The following TMEM116 variants were observed in gnomAD, a reference collection of about 807,000 sequenced individuals.
TMEM116 encodes transmembrane protein 116.
In TMEM116, 38 loss-of-function variants were observed where a neutral mutation model predicts 44.3. The ratio of observed to expected loss-of-function variants is 0.86; its 90% CI spans 0.66 to 1.12. TMEM116 has a LOEUF of 1.12. Among genes scored for constraint, TMEM116 ranks in the 50% most tolerant of loss-of-function variants. The pLI, the probability that TMEM116 is intolerant of heterozygous loss-of-function variation, is 0.00. For synonymous variants in TMEM116, 132 were observed against 144.8 expected (o/e 0.91, Z 0.64); for missense variants, 354 against 401.7 (o/e 0.88, Z 1.01).
intron 4 of TMEM116, among the ~76,000 whole-genome samples, chr12:111,969,183 G>A (rs1286385262): frequency 2.6e-5 from 4 of 151,110 alleles, no homozygotes; most frequent in Admixed American, 6.6e-5. Flanking sequence ...AGCCGGGCAC[G>A]GTGGTGCATG....
chr12:111,998,399 A>G (rs957374593), intron 3 of TMEM116, among the ~76,000 whole-genome samples: 4 of 152,242 alleles, frequency 2.6e-5, no homozygotes, highest in African/African-American at 7.2e-5. Context: ...CTCGACTCCA[A>G]TTTAGTTGGG....
At chr12:111,950,070 G>A (rs1379197053) in intron 4 of TMEM116, among the ~76,000 whole-genome samples, 5 of 152,030 alleles carry the variant, frequency 3.3e-5, no homozygotes, top group African/African-American at 1.2e-4. Context: ...AGCCAAGATC[G>A]CACCACTGCA....
chr12:112,005,867 A>G, intron 1 of TMEM116: 2 of 934,716 alleles, frequency 2.1e-6, no homozygotes, highest in Non-Finnish European at 2.6e-6. Flanking sequence ...GTAGTATGAA[A>G]AGAGATTGTG....
At chr12:111,994,325 T>C (rs1331257172) in intron 3 of TMEM116, among the ~76,000 whole-genome samples, 1 of 152,034 alleles carries the variant, frequency 6.6e-6, no homozygotes, top group African/African-American at 2.4e-5. Flanking sequence ...ATCTTAAGAC[T>C]TATCGTGGGA....
chr12:111,978,820 CA>C (rs1384355435), intron 4 of TMEM116: 1 of 427,434 alleles, frequency 2.3e-6, no homozygotes, highest in South Asian at 1.7e-5. Flanking sequence ...GTTTAAGTCA[CA>C]CATTGTATGG....
intron 3 of TMEM116, among the ~76,000 whole-genome samples, chr12:112,001,236 T>G (rs183343190): frequency 2.8e-3 from 434 of 152,368 alleles, no homozygotes; most frequent in Non-Finnish European, 4.8e-3. Flanking sequence ...CCCACTGTTA[T>G]GCCAGAAAGT....
chr12:112,006,975 T>G (rs188489966), intron 1 of TMEM116, among the ~76,000 whole-genome samples: 13 of 152,348 alleles, frequency 8.5e-5, no homozygotes, highest in African/African-American at 2.6e-4. Flanking sequence ...TGCAATGTCA[T>G]GCACCTGTGG....
intron 4 of TMEM116, chr12:111,965,760 C>A: frequency 2.6e-6 from 1 of 385,200 alleles, no homozygotes; most frequent in South Asian, 1.9e-5. Flanking sequence ...CCCGTCTCCC[C>A]TAAAAAAAAA....
At chr12:111,948,873 G>A (rs2073489780) in intron 4 of TMEM116, among the ~76,000 whole-genome samples, 1 of 152,028 alleles carries the variant, frequency 6.6e-6, no homozygotes, top group Non-Finnish European at 1.5e-5. Context: ...GAGGCTAGGA[G>A]TTTGAGACCA....
intron 3 of TMEM116, among the ~76,000 whole-genome samples, chr12:111,998,224 C>T (rs1323408326): frequency 6.6e-6 from 1 of 152,072 alleles, no homozygotes; most frequent in South Asian, 2.1e-4. Flanking sequence ...AGTGAGTGAC[C>T]GTGGTATGTA....
intron 4 of TMEM116, chr12:111,978,721 G>C (rs1364762874): frequency 2.4e-6 from 1 of 419,842 alleles, no homozygotes; most frequent in East Asian, 8.2e-5. Context: ...TGCAAACCAG[G>C]AAGTGGGCTC....
intron 6 of TMEM116, 36 bp downstream of exon 6, chr12:111,938,125 T>G: frequency 6.8e-7 from 1 of 1,478,076 alleles, no homozygotes; most frequent in Non-Finnish European, 9.3e-7. Context: ...ATAATGAGAG[T>G]CTACACCTCG....
chr12:111,996,348 C>T (rs11066118), intron 3 of TMEM116, among the ~76,000 whole-genome samples: 21,669 of 151,712 alleles, frequency 0.14, 1,940 homozygotes, highest in African/African-American at 0.25. Context: ...AAAAAAATTA[C>T]TAAGTAGTAA....
At chr12:111,938,110 C>T (rs368367040) in intron 6 of TMEM116, 51 bp downstream of exon 6, 2 of 1,305,142 alleles carry the variant, frequency 1.5e-6, no homozygotes, top group Non-Finnish European at 2.2e-6. Context: ...CACCTGAACA[C>T]CAGAATAATG....
Position 111,936,452 on chromosome 12 carries a change from G to T in TMEM116, c.588+240C>A. 4 of 439,732 alleles carry T rather than the reference G, an allele frequency of 9.1e-6. No individual in the cohort carries two copies. In the South Asian group the frequency reaches 1.6e-4, roughly 17 times the overall value. The allele number at this position is 439,732 out of a possible 1,614,324, so 27.2% of individuals were successfully genotyped here. ...GGGATTGATGAAGCCTATACTAGTT[G>T]TAGAGTGAGCATAATTTTCACCTAA... On this transcript the variant is annotated intron_variant, in intron 8 of 10. Coordinates refer to ENST00000552374, the MANE Select transcript of TMEM116 (RefSeq NM_001193531.2).
At chr12:111,954,527 A>T (rs1278658631) in intron 4 of TMEM116, among the ~76,000 whole-genome samples, 1 of 152,232 alleles carries the variant, frequency 6.6e-6, no homozygotes, top group African/African-American at 2.4e-5. Context: ...ACAACTCTTA[A>T]GAACCTTGTC....
intron 4 of TMEM116, among the ~76,000 whole-genome samples, chr12:111,947,463 G>A (rs2073378521): frequency 6.6e-6 from 1 of 152,114 alleles, no homozygotes; most frequent in East Asian, 1.9e-4. Flanking sequence ...TTGTCAAAAG[G>A]TAAGTGATGT....
chr12:111,969,173 A>T (rs1199952498), intron 4 of TMEM116, among the ~76,000 whole-genome samples: 3 of 151,312 alleles, frequency 2.0e-5, no homozygotes, highest in Admixed American at 2.0e-4. Flanking sequence ...ATATAAAATT[A>T]GCCGGGCACG....
intron 10 of TMEM116, among the ~76,000 whole-genome samples, chr12:111,932,159 A>G (rs1219322661): frequency 2.0e-5 from 3 of 152,062 alleles, no homozygotes; most frequent in African/African-American, 7.2e-5. Context: ...ATCTTCTTAA[A>G]TCCAATAAAG....
Sources: allele counts gnomAD v4.1 joint callset (sites outside exome capture counted in the v4.1 genomes callset), GRCh38; gene constraint gnomAD v4.1.1; transcripts MANE v1.5; gene names NCBI Gene and HGNC (gene_info 2026-07-23, HGNC 2026-07-21).